Variants in CD226 observed in about 807,000 individuals in gnomAD.
CD226 encodes the protein CD226 molecule.
Under a neutral mutation model 34.9 loss-of-function variants are expected in CD226, and 24 were observed. That is an observed-to-expected ratio of 0.69 (90% CI 0.50 to 0.97). The LOEUF (loss-of-function observed/expected upper bound fraction) is 0.97. Among genes scored for constraint, CD226 ranks in the 50% least tolerant of loss-of-function variants. CD226 has a pLI of 0.00. For missense variants in CD226, 397 were observed against 412.7 expected, an observed-to-expected ratio of 0.96 and a Z score of 0.33; for synonymous variants, 148 against 147.4, an observed-to-expected ratio of 1.00 and a Z score of -0.03.
At chr18:69,895,613 C>T in intron 3 of CD226, 88 bp downstream of exon 3, 2 of 934,954 alleles carry the variant, frequency 2.1e-6, no homozygotes, top group Admixed American at 2.3e-5. Flanking sequence ...ATTAAATGAA[C>T]ATGTTTACCA....
Position 69,861,887 on chromosome 18 carries a change from G to C in CD226, c.*2427C>G, listed in dbSNP as rs1982849625. 1 of 152,084 alleles carries C rather than the reference G, an allele frequency of 6.6e-6. No homozygotes were observed. Among genetic ancestry groups the C allele is most frequent in the South Asian group, 2.1e-4 (1 of 4,832 alleles). The allele number at this position is 152,084 out of a possible 1,614,324, so 9.4% of individuals were successfully genotyped here. A position where few individuals can be genotyped will look rare whatever the true frequency, so the allele number is the denominator to read the frequency against. ...AAGCATTACCCCTGAGGGTATAACAGGAGCATCAGAAGACGTCAGAGAATT... is the reference window on the plus strand; with the variant it reads ...AAGCATTACCCCTGAGGGTATAACACGAGCATCAGAAGACGTCAGAGAATT... On this transcript the variant is annotated 3_prime_UTR_variant, in exon 6 of 6. Transcript: ENST00000582621.
intron 2 of CD226, among the ~76,000 whole-genome samples, chr18:69,928,687 G>A (rs1044412157): frequency 1.1e-4 from 17 of 152,152 alleles, no homozygotes; most frequent in African/African-American, 4.1e-4. Context: ...CCAAAAATCT[G>A]AAATCTAAAA....
At chr18:69,942,919 C>A (rs954590785) in intron 2 of CD226, among the ~76,000 whole-genome samples, 2 of 152,212 alleles carry the variant, frequency 1.3e-5, no homozygotes, top group African/African-American at 4.8e-5. Flanking sequence ...CCCGGCCTCT[C>A]TAATTAAAAT....
intron 3 of CD226, among the ~76,000 whole-genome samples, chr18:69,881,749 C>G (rs1285335256): frequency 6.6e-6 from 1 of 152,130 alleles, no homozygotes; most frequent in African/African-American, 2.4e-5. Flanking sequence ...ACTCGCCTTC[C>G]TGGGGAAAGG....
rs1281014258 is a variant in CD226, at chr18:69,907,337, G to A, written c.383-11292C>T. On this transcript the variant is annotated intron_variant, in intron 2 of 5. Transcript: ENST00000582621. ...AAATGTCTTTTTTGTTTGTTTTTCA[G>A]ATGGAGTCCCACTCTGTTGCCCAGG... Among the ~76,000 whole-genome samples the A allele has an allele frequency of 2.0e-5, 3 of 152,136 alleles. No individual in the cohort carries two copies. The East Asian group carries it at 5.8e-4, about 29-fold the overall frequency.
chr18:69,915,045 T>G (rs1442458449), intron 2 of CD226, among the ~76,000 whole-genome samples: 1 of 152,180 alleles, frequency 6.6e-6, no homozygotes, highest in Non-Finnish European at 1.5e-5. Context: ...CATCTTCTAG[T>G]CATAGTTCAC....
rs1252972182 is a variant in CD226, at chr18:69,859,049, A to G, written c.*5265T>C. 6.6e-6 allele frequency: 1 copy of G among 152,012 alleles called. No individual in the cohort carries two copies. Among genetic ancestry groups the G allele is most frequent in the Non-Finnish European group, 1.5e-5 (1 of 68,008 alleles). 9.4% of individuals were successfully genotyped at this position (152,012 alleles called of 1,614,324 possible). A position where few individuals can be genotyped will look rare whatever the true frequency, so the allele number is the denominator to read the frequency against. On this transcript the variant is annotated 3_prime_UTR_variant, in exon 6 of 6. Transcript: ENST00000582621. ...CTTTTACAGACACAAAAGCAAACAT[A>G]ATAGACTTATTATTCCTTGTTATGG...
chr18:69,942,851 T>C (rs1476219293), intron 2 of CD226, among the ~76,000 whole-genome samples: 1 of 152,182 alleles, frequency 6.6e-6, no homozygotes, highest in African/African-American at 2.4e-5. Context: ...GTGCCCTTCT[T>C]TAAGCCATCA....
At chr18:69,916,100 G>T (rs1460231141) in intron 2 of CD226, among the ~76,000 whole-genome samples, 1 of 152,246 alleles carries the variant, frequency 6.6e-6, no homozygotes, top group East Asian at 1.9e-4. Flanking sequence ...TTACTCGCAG[G>T]TTTAAATTAG....
chr18:69,900,455 G>A (rs1022815317), intron 2 of CD226, among the ~76,000 whole-genome samples: 22 of 152,226 alleles, frequency 1.4e-4, no homozygotes, highest in East Asian at 7.7e-4. Flanking sequence ...TTTTCTGGCC[G>A]GGCGCGGTGG....
chr18:69,932,063 C>T (rs1376210674), intron 2 of CD226, among the ~76,000 whole-genome samples: 1 of 152,172 alleles, frequency 6.6e-6, no homozygotes, highest in Non-Finnish European at 1.5e-5. Context: ...AGATCCCACC[C>T]TAATAACCTC....
rs532743132 is a variant in CD226, at chr18:69,860,216, A to T, written c.*4098T>A. The T allele has an allele frequency of 6.6e-6, 1 of 152,368 alleles. No homozygotes were observed. Among genetic ancestry groups the T allele is most frequent in the East Asian group, 1.9e-4 (1 of 5,196 alleles). The allele number at this position is 152,368 out of a possible 1,614,324, so 9.4% of individuals were successfully genotyped here. A position where few individuals can be genotyped will look rare whatever the true frequency, so the allele number is the denominator to read the frequency against. On this transcript the variant is annotated 3_prime_UTR_variant, in exon 6 of 6. Transcript: ENST00000582621. ...TTTTTCCCTGCTATTTCTCCATGGC[A>T]AATGAAAGTAGTGATCGTGAAACAT...
chr18:69,932,908 C>T (rs1455262415), intron 2 of CD226, among the ~76,000 whole-genome samples: 1 of 152,194 alleles, frequency 6.6e-6, no homozygotes, highest in Non-Finnish European at 1.5e-5. Context: ...TGGGACATTT[C>T]TCCTGTATGC....
intron 2 of CD226, among the ~76,000 whole-genome samples, chr18:69,927,367 CACACACACACACACACACACAA>C (rs1363882905): frequency 1.5e-5 from 2 of 136,312 alleles, no homozygotes; most frequent in African/African-American, 3.6e-5. Context: ...AGACACTACA[CACACACACACACACACACACAA>C]ACACACACAC....
chr18:69,895,837 G>C lies in CD226; in HGVS notation c.591C>G (p.Ser197Arg). ...CGCTCCACCTTCCGTGGCTGCAGTT[G>C]CTCACTATTTGTCTTGGGAACTTGG... is the stretch of plus-strand genomic sequence containing the variant. ...FTSKFPRQIV[S>R]NCSHGRWSVI... is the part of the protein sequence containing the mutation. Residue 197 changes from serine to arginine, a missense_variant, in exon 3 of 6, where the codon AGC (serine) becomes AGG (arginine). Transcript: ENST00000582621. The C allele has an allele frequency of 6.2e-7, 1 of 1,614,148 alleles. No individual in the cohort carries two copies. Among genetic ancestry groups the C allele is most frequent in the Non-Finnish European group, 8.5e-7 (1 of 1,180,030 alleles).
upstream of CD226, among the ~76,000 whole-genome samples, chr18:69,949,985 T>TTCACACTTTGTTTC (rs2055835727): frequency 1.4e-5 from 2 of 146,870 alleles, no homozygotes; most frequent in Admixed American, 6.8e-5. Context: ...TATGCACACA[T>TTCACACTTTGTTTC]TCACACTTTG....
chr18:69,902,984 A>C (rs1233152401), intron 2 of CD226, among the ~76,000 whole-genome samples: 3 of 152,192 alleles, frequency 2.0e-5, no homozygotes, highest in African/African-American at 7.2e-5. Flanking sequence ...CATGATGACT[A>C]AGGAGGTCTC....
Position 69,853,830 on chromosome 18 carries a change from C to A in CD226, c.*10484G>T, listed in dbSNP as rs138870517. The A allele has an allele frequency of 8.5e-5, 13 of 152,276 alleles. No homozygotes were observed. The East Asian group carries it at 2.5e-3, about 29-fold the overall frequency. 9.4% of individuals were successfully genotyped at this position (152,276 alleles called of 1,614,324 possible). ...TGATCCAAGCACAGACAGTGAAACT[C>A]AGTATGATCTACTCATCTTCAGTTT... On this transcript the variant is annotated 3_prime_UTR_variant, in exon 6 of 6. Coordinates refer to ENST00000582621, the MANE Select transcript of CD226 (RefSeq NM_001303618.2).
At chr18:69,901,498 G>A (rs886414676) in intron 2 of CD226, among the ~76,000 whole-genome samples, 8 of 152,140 alleles carry the variant, frequency 5.3e-5, no homozygotes, top group Admixed American at 3.3e-4. Flanking sequence ...GATAGTCGGC[G>A]AAGCTATATA....
Sources: allele counts gnomAD v4.1 joint callset (sites outside exome capture counted in the v4.1 genomes callset), GRCh38; gene constraint gnomAD v4.1.1; transcripts MANE v1.5; gene names NCBI Gene and HGNC (gene_info 2026-07-23, HGNC 2026-07-21).